GRIA1: variants seen among roughly 807,000 people sequenced by gnomAD.
GRIA1 encodes glutamate receptor 1.
A neutral mutation model predicts 99.2 loss-of-function variants in GRIA1; 31 were observed. The ratio of observed to expected loss-of-function variants is 0.31; its 90% CI spans 0.23 to 0.42. The LOEUF (loss-of-function observed/expected upper bound fraction) is 0.42. Ranked by LOEUF, GRIA1 falls within the 10% of genes least tolerant of loss-of-function variation. The pLI, the probability that GRIA1 is intolerant of heterozygous loss-of-function variation, is 1.00. For missense variants in GRIA1, 782 were observed against 1,157.5 expected (o/e 0.68, Z 4.71); for synonymous variants, 438 against 432.4 (o/e 1.01, Z -0.16).
At chr5:153,500,793 A>C (rs1487045306) in intron 2 of GRIA1, among the ~76,000 whole-genome samples, 3 of 151,930 alleles carry the variant, frequency 2.0e-5, no homozygotes, top group South Asian at 2.1e-4. Context: ...ACACACACAC[A>C]CCCCACACAC....
intron 11 of GRIA1, among the ~76,000 whole-genome samples, chr5:153,723,972 G>A (rs1760295647): frequency 6.6e-6 from 1 of 152,230 alleles, no homozygotes; most frequent in Non-Finnish European, 1.5e-5. Context: ...TGACCCCCAA[G>A]CAGCCTAACT....
intron 2 of GRIA1, among the ~76,000 whole-genome samples, chr5:153,504,136 C>G (rs1358911974): frequency 1.3e-5 from 2 of 151,966 alleles, no homozygotes; most frequent in Non-Finnish European, 2.9e-5. Context: ...TAGTCTTTTG[C>G]TTGACATGGG....
At chr5:153,614,608 A>G (rs1037727149) in intron 2 of GRIA1, among the ~76,000 whole-genome samples, 5 of 152,254 alleles carry the variant, frequency 3.3e-5, no homozygotes, top group Non-Finnish European at 5.9e-5. Context: ...CAACCAGGCC[A>G]TGCTACTCCT....
intron 2 of GRIA1, among the ~76,000 whole-genome samples, chr5:153,578,022 G>A (rs944348289): frequency 1.3e-5 from 2 of 151,530 alleles, no homozygotes; most frequent in South Asian, 4.2e-4. Context: ...ATCATGGTGC[G>A]TGCCTGTAAT....
At chr5:153,697,565 A>C (rs1201639000) in intron 8 of GRIA1, among the ~76,000 whole-genome samples, 1 of 152,242 alleles carries the variant, frequency 6.6e-6, no homozygotes, top group Non-Finnish European at 1.5e-5. Flanking sequence ...CATCATAGGA[A>C]GTTAAATCTA....
rs566634272 is a variant in GRIA1, at chr5:153,679,388, A to G, written c.1029+2227A>G. On this transcript the variant is annotated intron_variant, in intron 7 of 15. Transcript: ENST00000285900. ...TTGTTAAGCACCTAGAATGAAAAAG[A>G]TTTTGTTGAAAGACACCTTAGAGAT... is the stretch of plus-strand genomic sequence containing the variant. Among the ~76,000 whole-genome samples the G allele has an allele frequency of 1.1e-4, 16 of 152,372 alleles. No homozygotes were observed. The South Asian group carries it at 2.9e-3, about 28-fold the overall frequency.
intron 15 of GRIA1, among the ~76,000 whole-genome samples, chr5:153,806,229 GT>G (rs2149677803): frequency 6.6e-6 from 1 of 152,180 alleles, no homozygotes; most frequent in East Asian, 1.9e-4. Flanking sequence ...CATTATCACA[GT>G]ATTTGGTCCA....
intron 2 of GRIA1, among the ~76,000 whole-genome samples, chr5:153,613,351 A>C (rs997262763): frequency 6.6e-6 from 1 of 152,050 alleles, no homozygotes; most frequent in South Asian, 2.1e-4. Flanking sequence ...TCCCCTCTCT[A>C]TCATTTCCAG....
At chr5:153,508,698 A>T (rs1341822100) in intron 2 of GRIA1, among the ~76,000 whole-genome samples, 1 of 152,238 alleles carries the variant, frequency 6.6e-6, no homozygotes, top group Non-Finnish European at 1.5e-5. Context: ...GAGAAGTGAT[A>T]AATTGACATG....
At chr5:153,528,879 A>G (rs1757850410) in intron 2 of GRIA1, among the ~76,000 whole-genome samples, 1 of 151,996 alleles carries the variant, frequency 6.6e-6, no homozygotes, top group African/African-American at 2.4e-5. Context: ...CACTGCCCCC[A>G]CTTGCTTTGA....
At position 153,664,618 on chromosome 5, in the gene GRIA1, G is replaced by A. The variant is rs182597887; in HGVS notation, c.699+8746G>A. On this transcript the variant is annotated intron_variant, in intron 5 of 15. Coordinates refer to ENST00000285900, the MANE Select transcript of GRIA1 (RefSeq NM_000827.4). ...CTCTATAATTACTTGTGTAATATTG[G>A]CCTTTCTCACTAGACCTTAGGTAAC... Among the ~76,000 whole-genome samples, 5 of 152,060 alleles carry A rather than the reference G, an allele frequency of 3.3e-5. No homozygotes were observed. The East Asian group carries it at 7.7e-4, about 24-fold the overall frequency.
At chr5:153,575,271 C>T (rs1215546335) in intron 2 of GRIA1, among the ~76,000 whole-genome samples, 1 of 151,782 alleles carries the variant, frequency 6.6e-6, no homozygotes, top group East Asian at 1.9e-4. Context: ...AAGAGTGGTC[C>T]TCATGAAAGC....
At chr5:153,678,921 G>C (rs891957401) in intron 7 of GRIA1, among the ~76,000 whole-genome samples, 6 of 152,322 alleles carry the variant, frequency 3.9e-5, no homozygotes, top group South Asian at 2.1e-4. Context: ...GAAAATGAAG[G>C]GGGTGGAGAG....
chr5:153,718,407 C>A (rs984472107), intron 11 of GRIA1, among the ~76,000 whole-genome samples: 3 of 151,912 alleles, frequency 2.0e-5, no homozygotes, highest in African/African-American at 7.3e-5. Flanking sequence ...ACAAAGGGGT[C>A]GGCGGGGCGA....
chr5:153,682,491 G>T (rs1283264678), intron 7 of GRIA1, among the ~76,000 whole-genome samples: 1 of 152,142 alleles, frequency 6.6e-6, no homozygotes, highest in Admixed American at 6.5e-5. Context: ...AGTCGGTTTA[G>T]CAAGAACCCT....
At chr5:153,549,957 C>T (rs771141043) in intron 2 of GRIA1, among the ~76,000 whole-genome samples, 3 of 152,136 alleles carry the variant, frequency 2.0e-5, no homozygotes, top group Admixed American at 6.6e-5. Context: ...CCAGTTCTAT[C>T]GCTTACTATC....
At chr5:153,794,854 A>C in intron 14 of GRIA1, 119 bp downstream of exon 14, 1 of 644,602 alleles carries the variant, frequency 1.6e-6, no homozygotes, top group South Asian at 2.0e-5. Context: ...AGATAAATTA[A>C]TGTCAAAGGG....
intron 4 of GRIA1, among the ~76,000 whole-genome samples, chr5:153,654,824 A>T (rs974706069): frequency 2.6e-5 from 4 of 151,922 alleles, no homozygotes; most frequent in South Asian, 4.2e-4. Flanking sequence ...TTTGATGATT[A>T]AAAAAAATAG....
chr5:153,664,409 T>G (rs1755594867), intron 5 of GRIA1, among the ~76,000 whole-genome samples: 1 of 152,088 alleles, frequency 6.6e-6, no homozygotes, highest in Non-Finnish European at 1.5e-5. Flanking sequence ...CACAGGCAGT[T>G]TCTGTGACAG....
Sources: allele counts gnomAD v4.1 joint callset (sites outside exome capture counted in the v4.1 genomes callset), GRCh38; gene constraint gnomAD v4.1.1; transcripts MANE v1.5; gene names NCBI Gene and HGNC (gene_info 2026-07-23, HGNC 2026-07-21).